Variants in GALNTL6 observed in about 807,000 individuals in gnomAD.
The protein encoded by GALNTL6 is polypeptide N-acetylgalactosaminyltransferase like 6, also known as polypeptide N-acetylgalactosaminyltransferase-like 6.
Under a neutral mutation model 73.7 loss-of-function variants are expected in GALNTL6, and 46 were observed. The ratio of observed to expected loss-of-function variants is 0.62; its 90% CI spans 0.49 to 0.80. GALNTL6 has a LOEUF of 0.80. Ranked by LOEUF, GALNTL6 falls within the 30% of genes least tolerant of loss-of-function variation. The probability of loss-of-function intolerance (pLI) is 0.00; values close to 1 mark genes in which losing one functional copy is unlikely to be tolerated. For synonymous variants in GALNTL6, 259 were observed against 263.7 expected (o/e 0.98, Z 0.17); for missense variants, 604 against 755.0 (o/e 0.80, Z 2.34).
intron 10 of GALNTL6, among the ~76,000 whole-genome samples, chr4:172,956,425 A>G (rs892565025): frequency 6.6e-6 from 1 of 152,222 alleles, no homozygotes; most frequent in Non-Finnish European, 1.5e-5. Flanking sequence ...GAGAGTGCCT[A>G]AGGAGATTCA....
intron 4 of GALNTL6, among the ~76,000 whole-genome samples, chr4:172,316,599 T>G (rs1157695736): frequency 6.6e-6 from 1 of 152,210 alleles, no homozygotes; most frequent in Non-Finnish European, 1.5e-5. Context: ...CTTTACAACC[T>G]TTTGGATTAT....
chr4:172,657,165 C>T (rs186870861), intron 5 of GALNTL6, among the ~76,000 whole-genome samples: 1 of 152,180 alleles, frequency 6.6e-6, no homozygotes, highest in Non-Finnish European at 1.5e-5. Context: ...AATAGTCTTT[C>T]TCTTTTCTCT....
chr4:172,833,575 T>C (rs928060389), intron 7 of GALNTL6, among the ~76,000 whole-genome samples: 5 of 152,180 alleles, frequency 3.3e-5, no homozygotes, highest in African/African-American at 1.2e-4. Context: ...TTGAGCTCCA[T>C]AAGAATTAGG....
intron 5 of GALNTL6, among the ~76,000 whole-genome samples, chr4:172,523,834 C>T (rs951856874): frequency 6.6e-5 from 10 of 152,124 alleles, no homozygotes; most frequent in African/African-American, 2.4e-4. Flanking sequence ...AAAAAATTGT[C>T]ATTGCAATGT....
chr4:172,450,992 C>T (rs1732187701), intron 5 of GALNTL6, among the ~76,000 whole-genome samples: 1 of 152,140 alleles, frequency 6.6e-6, no homozygotes, highest in South Asian at 2.1e-4. Context: ...ATAATGTGTG[C>T]TCTGGATGTC....
At chr4:172,010,372 T>C (rs1267891287) in intron 2 of GALNTL6, among the ~76,000 whole-genome samples, 1 of 152,058 alleles carries the variant, frequency 6.6e-6, no homozygotes, top group Non-Finnish European at 1.5e-5. Flanking sequence ...TACCTTAAAC[T>C]GGTTAGAGAA....
intron 12 of GALNTL6, among the ~76,000 whole-genome samples, chr4:173,038,539 G>C (rs1251101217): frequency 6.6e-6 from 1 of 152,168 alleles, no homozygotes; most frequent in Admixed American, 6.5e-5. Context: ...GAGATCTCAG[G>C]AGCCCTCTTT....
intron 2 of GALNTL6, among the ~76,000 whole-genome samples, chr4:172,159,248 A>G (rs1734379274): frequency 1.3e-5 from 2 of 152,168 alleles, no homozygotes; most frequent in South Asian, 2.1e-4. Context: ...CAACTGGTAC[A>G]ATGTATGAGA....
intron 2 of GALNTL6, among the ~76,000 whole-genome samples, chr4:172,172,195 T>G (rs535817088): frequency 6.6e-6 from 1 of 152,016 alleles, no homozygotes; most frequent in African/African-American, 2.4e-5. Flanking sequence ...CTTTTTTGTG[T>G]TTTTTGTTTG....
At chr4:172,554,042 A>G (rs1203534208) in intron 5 of GALNTL6, among the ~76,000 whole-genome samples, 2 of 152,164 alleles carry the variant, frequency 1.3e-5, no homozygotes, top group Admixed American at 6.5e-5. Flanking sequence ...GAAAGAAAAG[A>G]AAACAAAAAG....
intron 5 of GALNTL6, among the ~76,000 whole-genome samples, chr4:172,596,300 A>G (rs1737851896): frequency 6.6e-6 from 1 of 152,034 alleles, no homozygotes; most frequent in Admixed American, 6.6e-5. Flanking sequence ...TACATAAAAT[A>G]CAAAAAGTTA....
chr4:172,863,036 C>T lies in GALNTL6; in HGVS notation c.924-19754C>T, dbSNP rs550753744. Among the ~76,000 whole-genome samples the T allele has an allele frequency of 7.9e-5, 12 of 152,340 alleles. No individual in the cohort carries two copies. The South Asian group carries it at 2.5e-3, about 32-fold the overall frequency. On this transcript the variant is annotated intron_variant, in intron 7 of 12. Transcript: ENST00000506823. ...TACAGGCCCCAAGTCTTGGCAGCTT[C>T]CAGTGGTGTTGAGCCTGCAGGTGCA...
chr4:171,991,102 T>A (rs1384541429), intron 2 of GALNTL6, among the ~76,000 whole-genome samples: 2 of 152,068 alleles, frequency 1.3e-5, no homozygotes, highest in African/African-American at 4.8e-5. Flanking sequence ...AAAAAATTAA[T>A]AACCTTCCAA....
At chr4:172,251,628 A>G (rs1304668194) in intron 3 of GALNTL6, among the ~76,000 whole-genome samples, 3 of 152,198 alleles carry the variant, frequency 2.0e-5, no homozygotes, top group Non-Finnish European at 4.4e-5. Flanking sequence ...ACTGATATCC[A>G]ATAAGTGACA....
chr4:172,727,189 T>C (rs1187759089), intron 5 of GALNTL6, among the ~76,000 whole-genome samples: 1 of 152,212 alleles, frequency 6.6e-6, no homozygotes, highest in Non-Finnish European at 1.5e-5. Flanking sequence ...CCCAAGCTCC[T>C]TGTGTGCCCA....
intron 2 of GALNTL6, among the ~76,000 whole-genome samples, chr4:171,856,103 T>C (rs1735683872): frequency 6.6e-6 from 1 of 152,082 alleles, no homozygotes. Context: ...TTGTTGTTGT[T>C]GTAGTTGTTG....
intron 2 of GALNTL6, among the ~76,000 whole-genome samples, chr4:171,997,330 C>A (rs1340384958): frequency 6.6e-6 from 1 of 151,964 alleles, no homozygotes; most frequent in African/African-American, 2.4e-5. Flanking sequence ...AAATATCAAC[C>A]CATCAAAGTT....
chr4:172,861,182 C>T (rs1744372867), intron 7 of GALNTL6, among the ~76,000 whole-genome samples: 1 of 152,082 alleles, frequency 6.6e-6, no homozygotes, highest in South Asian at 2.1e-4. Context: ...TTTTAGAATG[C>T]ACTGGGTTAG....
intron 2 of GALNTL6, among the ~76,000 whole-genome samples, chr4:171,892,121 G>A (rs1208918614): frequency 1.3e-5 from 2 of 152,152 alleles, no homozygotes; most frequent in Non-Finnish European, 2.9e-5. Flanking sequence ...TGTGTAAGGT[G>A]TATATGAAAC....
Sources: gnomAD v4.1 joint callset for allele counts (sites outside exome capture counted in the v4.1 genomes callset) on GRCh38, gnomAD v4.1.1 for gene constraint, MANE v1.5 for transcripts, NCBI Gene and HGNC (gene_info 2026-07-23, HGNC 2026-07-21) for gene names.